RARB: variants seen among roughly 807,000 people sequenced by gnomAD.
The protein encoded by RARB is retinoic acid receptor beta.
A neutral mutation model predicts 51.9 loss-of-function variants in RARB; 17 were observed. That is an observed-to-expected ratio of 0.33 (90% CI 0.22 to 0.49). The LOEUF (loss-of-function observed/expected upper bound fraction) is 0.49, where lower values mean the gene tolerates loss of function less well. RARB is among the 20% of genes least tolerant of loss of function. The pLI, the probability that RARB is intolerant of heterozygous loss-of-function variation, is 0.99. For synonymous variants in RARB, 215 were observed against 195.4 expected, an observed-to-expected ratio of 1.10 and a Z score of -0.84; for missense variants, 369 against 550.8, an observed-to-expected ratio of 0.67 and a Z score of 3.30.
chr3:25,312,971 G>A (rs565735010), intron 5 of RARB, among the ~76,000 whole-genome samples: 100 of 152,268 alleles, frequency 6.6e-4, no homozygotes, highest in African/African-American at 2.4e-3. Flanking sequence ...GATTCTCGAG[G>A]CATTTGAATT....
chr3:25,049,599 G>A (rs1559447462), intron 2 of RARB, among the ~76,000 whole-genome samples: 2 of 152,160 alleles, frequency 1.3e-5, no homozygotes, highest in African/African-American at 4.8e-5. Context: ...TATACCACAT[G>A]CTTTTTATGT....
chr3:25,367,283 C>T (rs1043014460), intron 5 of RARB, among the ~76,000 whole-genome samples: 7 of 152,164 alleles, frequency 4.6e-5, no homozygotes, highest in African/African-American at 9.7e-5. Context: ...CTCTGGCACC[C>T]AGCATAATGG....
intron 1 of RARB, chr3:25,441,403 C>A: frequency 4.6e-6 from 1 of 218,056 alleles, no homozygotes; most frequent in Non-Finnish European, 9.8e-6. Flanking sequence ...ACCCCAGTCC[C>A]AGGCCTGTAA....
intron 5 of RARB, among the ~76,000 whole-genome samples, chr3:25,382,421 C>T (rs568798030): frequency 6.6e-6 from 1 of 151,382 alleles, no homozygotes; most frequent in East Asian, 2.0e-4. Flanking sequence ...ATTTCCCCTG[C>T]AGGGACATGG....
chr3:24,951,918 G>A lies in RARB; in HGVS notation c.-380+93166G>A, dbSNP rs145116777. ...TCTGCAAATTTGGATTACAGGAAAC[G>A]TAATACACCCTTGCTCTAATTATAG... On this transcript the variant is annotated intron_variant, in intron 2 of 11. Coordinates refer to the RARB transcript ENST00000383772. 1.7e-3 allele frequency among the ~76,000 whole-genome samples: 263 copies of A among 152,240 alleles called. 2 individuals carry two copies. Among genetic ancestry groups the A allele is most frequent in the Admixed American group, 3.4e-3 (52 of 15,282 alleles).
At chr3:25,583,043 G>T (rs1427893790) in intron 5 of RARB, among the ~76,000 whole-genome samples, 1 of 152,108 alleles carries the variant, frequency 6.6e-6, no homozygotes, top group Non-Finnish European at 1.5e-5. Flanking sequence ...ACTCCTTCCT[G>T]GGCCATGGGG....
chr3:25,461,413 T>C, intron 2 of RARB, 72 bp downstream of exon 2: 1 of 1,525,942 alleles, frequency 6.6e-7, no homozygotes, highest in Non-Finnish European at 8.9e-7. Context: ...CCTACCCAGT[T>C]CCAAAAATGG....
At chr3:24,903,300 A>G (rs1303445381) in intron 2 of RARB, among the ~76,000 whole-genome samples, 2 of 152,106 alleles carry the variant, frequency 1.3e-5, no homozygotes, top group African/African-American at 4.8e-5. Context: ...ACAAACTTCT[A>G]TGTGAAGTAG....
chr3:25,429,707 A>G (rs1708127025), intron 1 of RARB, among the ~76,000 whole-genome samples: 1 of 152,238 alleles, frequency 6.6e-6, no homozygotes, highest in Admixed American at 6.5e-5. Flanking sequence ...ATGCTGACAC[A>G]GTGCCGAGGT....
chr3:25,007,310 A>G (rs920491422), intron 2 of RARB, among the ~76,000 whole-genome samples: 3 of 152,168 alleles, frequency 2.0e-5, no homozygotes, highest in Non-Finnish European at 1.5e-5. Flanking sequence ...TCCTAAATGT[A>G]GAACTCAATG....
At chr3:24,850,630 TA>T (rs75706973) in intron 1 of RARB, among the ~76,000 whole-genome samples, 20,142 of 152,176 alleles carry the variant, frequency 0.13, 2,316 homozygotes, top group African/African-American at 0.3. Context: ...TTCTGAATGA[TA>T]AATGTTCCTT....
intron 3 of RARB, among the ~76,000 whole-genome samples, chr3:25,103,811 G>T (rs1699448601): frequency 6.6e-6 from 1 of 152,206 alleles, no homozygotes; most frequent in South Asian, 2.1e-4. Flanking sequence ...TCTTAGGGTT[G>T]CCTGTCTTAG....
intron 1 of RARB, among the ~76,000 whole-genome samples, chr3:25,442,945 A>G (rs1179160696): frequency 3.3e-5 from 5 of 152,130 alleles, no homozygotes; most frequent in Admixed American, 6.5e-5. Flanking sequence ...ACTCAGCTTG[A>G]ACATTTCAAC....
intron 5 of RARB, among the ~76,000 whole-genome samples, chr3:25,206,113 A>C (rs982399020): frequency 6.6e-6 from 1 of 152,218 alleles, no homozygotes; most frequent in South Asian, 2.1e-4. Context: ...TAACCTCATC[A>C]TAAGTCAAGG....
At chr3:25,043,030 G>A (rs1698144867) in intron 2 of RARB, among the ~76,000 whole-genome samples, 1 of 152,208 alleles carries the variant, frequency 6.6e-6, no homozygotes, top group Non-Finnish European at 1.5e-5. Flanking sequence ...TGAATTGGAT[G>A]TGCCTTCATG....
chr3:25,236,417 T>A (rs1702301067), intron 5 of RARB, among the ~76,000 whole-genome samples: 1 of 152,180 alleles, frequency 6.6e-6, no homozygotes, highest in Non-Finnish European at 1.5e-5. Context: ...ACATATTCAC[T>A]CTGCTGACCT....
intron 5 of RARB, among the ~76,000 whole-genome samples, chr3:25,264,799 C>T (rs1435861019): frequency 1.3e-5 from 2 of 152,148 alleles, no homozygotes; most frequent in African/African-American, 2.4e-5. Context: ...ACTGAAATCA[C>T]TGGGAACATA....
At chr3:25,121,974 A>C (rs1331311306) in intron 3 of RARB, among the ~76,000 whole-genome samples, 2 of 152,184 alleles carry the variant, frequency 1.3e-5, no homozygotes. Flanking sequence ...GCGCTGTATT[A>C]GGGAAACCCA....
At chr3:25,167,913 A>G (rs1231358636) in intron 4 of RARB, among the ~76,000 whole-genome samples, 1 of 152,164 alleles carries the variant, frequency 6.6e-6, no homozygotes, top group Non-Finnish European at 1.5e-5. Context: ...TGCTCAATGG[A>G]GTTATCCAAG....
Sources: gnomAD v4.1 joint callset for allele counts (sites outside exome capture counted in the v4.1 genomes callset) on GRCh38, gnomAD v4.1.1 for gene constraint, MANE v1.5 for transcripts, NCBI Gene and HGNC (gene_info 2026-07-23, HGNC 2026-07-21) for gene names.